The following ATXN10 variants were observed in gnomAD, a reference collection of about 807,000 sequenced individuals.
ATXN10 encodes ataxin 10, also known as ataxin-10.
In ATXN10, 28 loss-of-function variants were observed where a neutral mutation model predicts 52.9. The observed-to-expected ratio is 0.53, with a 90% CI of 0.39 to 0.73. The LOEUF is 0.73. Ranked by LOEUF, ATXN10 falls within the 30% of genes least tolerant of loss-of-function variation. The pLI is 0.00. For synonymous variants in ATXN10, 226 were observed against 221.5 expected, an observed-to-expected ratio of 1.02 and a Z score of -0.18; for missense variants, 565 against 577.0, an observed-to-expected ratio of 0.98 and a Z score of 0.21.
Position 45,684,929 on chromosome 22 carries a change from G to T in ATXN10, c.117-4783G>T, listed in dbSNP as rs1159612845. Among the ~76,000 whole-genome samples the T allele has an allele frequency of 6.6e-6, 1 of 152,180 alleles. No homozygotes were observed. Among genetic ancestry groups the T allele is most frequent in the Non-Finnish European group, 1.5e-5 (1 of 68,028 alleles). ...TTTTAGATAACAACCAGTGATTGTT[G>T]TTTTAATCTGTGAACTTGTGTGGAT... On this transcript the variant is annotated intron_variant, in intron 1 of 11. Coordinates refer to ENST00000252934, the MANE Select transcript of ATXN10 (RefSeq NM_013236.4). The surrounding 1 kb of genome is among the most constrained non-coding windows in gnomAD (Gnocchi z 4.1).
chr22:45,764,234 C>A (rs1485489399), intron 9 of ATXN10, among the ~76,000 whole-genome samples: 2 of 151,772 alleles, frequency 1.3e-5, no homozygotes, highest in African/African-American at 4.8e-5. Context: ...CGCTACCCCC[C>A]AGCCCCCACC....
intron 3 of ATXN10, among the ~76,000 whole-genome samples, chr22:45,695,236 A>G (rs942633636): frequency 6.7e-6 from 1 of 149,778 alleles, no homozygotes; most frequent in Non-Finnish European, 1.5e-5. Flanking sequence ...AGGCAGGAGA[A>G]TGGCATGCAC....
In ATXN10 at chr22:45,825,372, A is replaced by C. The variant is rs185200676; in HGVS notation, c.1238-17619A>C. ...GGAACCAGGCATTAAATACTAGGACATTGAAAAATAACTGTATATACAGGG... is the reference window on the plus strand; with the variant it reads ...GGAACCAGGCATTAAATACTAGGACCTTGAAAAATAACTGTATATACAGGG... On this transcript the variant is annotated intron_variant, in intron 10 of 11. Coordinates refer to ENST00000252934, the MANE Select transcript of ATXN10 (RefSeq NM_013236.4). The surrounding 1 kb of genome is among the most constrained non-coding windows in gnomAD (Gnocchi z 4.5). Among the ~76,000 whole-genome samples the C allele has an allele frequency of 6.6e-6, 1 of 152,182 alleles. No individual in the cohort carries two copies. The highest frequency in any genetic ancestry group is 2.4e-5 in the African/African-American group (1 of 41,430).
At chr22:45,836,133 G>C (rs1398322271) in intron 10 of ATXN10, among the ~76,000 whole-genome samples, 1 of 152,196 alleles carries the variant, frequency 6.6e-6, no homozygotes, top group East Asian at 1.9e-4. Flanking sequence ...ATAGTTTCCA[G>C]CGTCATGCAG....
rs1040671836 is a variant in ATXN10 at position 45,728,327 on chromosome 22, A to G, written c.729-1098A>G. On this transcript the variant is annotated intron_variant, in intron 6 of 11. Coordinates refer to ENST00000252934, the MANE Select transcript of ATXN10 (RefSeq NM_013236.4). This position sits in a 1 kb window ranked among gnomAD's most constrained non-coding sequence, Gnocchi z 4.3. ...CAGAAATTCTCTAATACTGTGCTCA[A>G]CTGAGTGGACCGTGTATTAGTTTTA... is the stretch of plus-strand genomic sequence containing the variant. Among the ~76,000 whole-genome samples, 7 of 152,224 alleles carry G rather than the reference A, an allele frequency of 4.6e-5. No homozygotes were observed. Among genetic ancestry groups the G allele is most frequent in the Non-Finnish European group, 1.0e-4 (7 of 68,038 alleles).
In ATXN10 at chr22:45,826,648, A is replaced by G. The variant is rs756685329; in HGVS notation, c.1238-16343A>G. On this transcript the variant is annotated intron_variant, in intron 10 of 11. Transcript: ENST00000252934. The surrounding 1 kb of genome is among the most constrained non-coding windows in gnomAD (Gnocchi z 5.0). ...GTGGGCCAAAATGTTCAAAGTGCAAAAAGAAAAAACTGTCAACTAAGAATC... is the reference window on the plus strand; with the variant it reads ...GTGGGCCAAAATGTTCAAAGTGCAAGAAGAAAAAACTGTCAACTAAGAATC... Among the ~76,000 whole-genome samples the G allele has an allele frequency of 3.3e-5, 5 of 152,368 alleles. No individual in the cohort carries two copies. The highest frequency in any genetic ancestry group is 6.8e-3 in the Middle Eastern group (2 of 294).
chr22:45,714,168 C>T (rs1016145938), intron 5 of ATXN10, among the ~76,000 whole-genome samples: 7 of 152,078 alleles, frequency 4.6e-5, no homozygotes, highest in Admixed American at 2.6e-4. Context: ...AGGTGTAAAC[C>T]GGCCTTCTTG....
At chr22:45,800,201 C>T (rs766100078) in intron 9 of ATXN10, among the ~76,000 whole-genome samples, 9 of 151,998 alleles carry the variant, frequency 5.9e-5, no homozygotes, top group African/African-American at 9.7e-5. Flanking sequence ...CCATGGTATA[C>T]GAGAAAATAT....
At chr22:45,702,037 G>C (rs1569028633) in intron 4 of ATXN10, among the ~76,000 whole-genome samples, 2 of 152,134 alleles carry the variant, frequency 1.3e-5, no homozygotes, top group Admixed American at 1.3e-4. Context: ...AGTTTTGTCA[G>C]GTGCTGGCTT....
chr22:45,793,515 C>A, intron 9 of ATXN10: 1 of 1,202,668 alleles, frequency 8.3e-7, no homozygotes, highest in Non-Finnish European at 1.0e-6. Flanking sequence ...TCTGAATTCA[C>A]GATTCTCTTT....
In ATXN10 at chr22:45,843,660, C is replaced by T. The variant is rs1025785075; in HGVS notation, c.1426-9C>T. 5 of 1,611,856 alleles carry T rather than the reference C, an allele frequency of 3.1e-6. No homozygotes were observed. The highest frequency in any genetic ancestry group is 1.7e-5 in the Admixed American group (1 of 59,906). ...ACATCTGCAATTTTGTTTCTTTCTT[C>T]TTCTTTAGTGAATGAACTACATCCA... is the stretch of plus-strand genomic sequence containing the variant. On this transcript the variant is annotated splice_polypyrimidine_tract_variant and intron_variant, in intron 11 of 11. Coordinates refer to ENST00000252934, the MANE Select transcript of ATXN10 (RefSeq NM_013236.4). The surrounding 1 kb of genome is among the most constrained non-coding windows in gnomAD (Gnocchi z 4.5).
Position 45,672,130 on chromosome 22 carries a change from C to T in ATXN10, c.67C>T (p.Leu23=), listed in dbSNP as rs759066698. The T allele has an allele frequency of 2.6e-6, 4 of 1,540,328 alleles. No homozygotes were observed. The highest frequency in any genetic ancestry group is 3.5e-6 in the Non-Finnish European group (4 of 1,145,584). ...GVMVPAPIQD[L]EALRALTALF... ...CATGGTGCCGGCGCCCATCCAAGAC[C>T]TGGAGGCCCTGCGCGCGCTCACGGC... is the stretch of plus-strand genomic sequence containing the variant. Residue 23 remains leucine (L), a synonymous_variant, in exon 1 of 12, where the codon CTG becomes TTG. Coordinates refer to ENST00000252934, the MANE Select transcript of ATXN10 (RefSeq NM_013236.4).
chr22:45,835,755 G>A lies in ATXN10; in HGVS notation c.1238-7236G>A, dbSNP rs1174568349. Among the ~76,000 whole-genome samples, 3 of 152,120 alleles carry A rather than the reference G, an allele frequency of 2.0e-5. No individual in the cohort carries two copies. The East Asian group carries it at 5.8e-4, about 29-fold the overall frequency. ...CTGAAACTGCTCTTTCTTATAGTGT[G>A]TATTAAATGCAAATCTTACTCTATA... On this transcript the variant is annotated intron_variant, in intron 10 of 11. Coordinates refer to ENST00000252934, the MANE Select transcript of ATXN10 (RefSeq NM_013236.4). The surrounding 1 kb of genome is among the most constrained non-coding windows in gnomAD (Gnocchi z 5.0).
rs991225999 is a variant in ATXN10 at position 45,708,097 on chromosome 22, A to G, written c.647+5250A>G. Among the ~76,000 whole-genome samples the G allele has an allele frequency of 1.3e-5, 2 of 152,226 alleles. No homozygotes were observed. Among genetic ancestry groups the G allele is most frequent in the Non-Finnish European group, 2.9e-5 (2 of 68,038 alleles). On this transcript the variant is annotated intron_variant, in intron 5 of 11. Transcript: ENST00000252934. This position sits in a 1 kb window ranked among gnomAD's most constrained non-coding sequence, Gnocchi z 5.3. ...ATTTGAGTATACTAGAGACACAGGA[A>G]AGTGTAGGCGAGAAAGTCTTTGGCA...
At position 45,702,796 on chromosome 22, in the gene ATXN10, T is replaced by A. The variant is rs950300809; in HGVS notation, c.596T>A (p.Ile199Asn). 1.2e-6 allele frequency: 2 copies of A among 1,613,994 alleles called. No homozygotes were observed. The highest frequency in any genetic ancestry group is 1.7e-6 in the Non-Finnish European group (2 of 1,179,946). ...RMKELEENLN[I>N]AIDVIDAYQK... ...AAAGAACTGGAGGAGAACCTCAATA[T>A]TGCAATTGATGTCATAGATGCTTAC... The change falls in exon 5 of 12, where the codon ATT becomes AAT. Residue 199 changes from isoleucine (I) to asparagine (N), a missense_variant. Ile to Asn is a moderately radical substitution (Grantham distance 149). Transcript: ENST00000252934.
rs1229236612 is a variant in ATXN10, at chr22:45,837,032, C to G, written c.1238-5959C>G. ...GTACTTTGGAAAGCCCTGCAGCACA[C>G]AAATCCCTTGCCTTCATGGGTTTGT... On this transcript the variant is annotated intron_variant, in intron 10 of 11. Transcript: ENST00000252934. The surrounding 1 kb of genome is among the most constrained non-coding windows in gnomAD (Gnocchi z 5.8). Among the ~76,000 whole-genome samples, 1 of 152,176 alleles carries G rather than the reference C, an allele frequency of 6.6e-6. No homozygotes were observed. Among genetic ancestry groups the G allele is most frequent in the African/African-American group, 2.4e-5 (1 of 41,446 alleles).
rs748195532 is a variant in ATXN10, at chr22:45,690,532, C to T, written c.308+629C>T. The stretch of plus-strand genomic sequence containing the variant: ...TTGAGTCTTTGTTCCTAGATTTTAC[C>T]TGCCTAAGTTTATATGCAGTTCTTG... On this transcript the variant is annotated intron_variant, in intron 2 of 11. Transcript: ENST00000252934. The surrounding 1 kb of genome is among the most constrained non-coding windows in gnomAD (Gnocchi z 4.5). 2.0e-5 allele frequency among the ~76,000 whole-genome samples: 3 copies of T among 152,042 alleles called. No homozygotes were observed. Among genetic ancestry groups the T allele is most frequent in the Non-Finnish European group, 4.4e-5 (3 of 68,016 alleles).
At chr22:45,806,163 CA>C (rs60910406) in intron 9 of ATXN10, among the ~76,000 whole-genome samples, 1 of 152,224 alleles carries the variant, frequency 6.6e-6, no homozygotes, top group Non-Finnish European at 1.5e-5. Flanking sequence ...GGAGTTGTAC[CA>C]TTTTCCCTCC....
intron 6 of ATXN10, among the ~76,000 whole-genome samples, chr22:45,726,245 T>G (rs1924864264): frequency 6.6e-6 from 1 of 152,212 alleles, no homozygotes; most frequent in Non-Finnish European, 1.5e-5. Context: ...TTGGTGCCAA[T>G]TCTTTGAATG....
Sources: allele counts gnomAD v4.1 joint callset (sites outside exome capture counted in the v4.1 genomes callset), GRCh38; gene constraint gnomAD v4.1.1; non-coding constraint Gnocchi (gnomAD v3.1); transcripts MANE v1.5; gene names NCBI Gene and HGNC (gene_info 2026-07-23, HGNC 2026-07-21).